The following SYNE2 variants were observed in gnomAD, a reference collection of about 807,000 sequenced individuals.
SYNE2 encodes the protein spectrin repeat containing nuclear envelope protein 2.
In SYNE2, 431 loss-of-function variants were observed where a neutral mutation model predicts 856.3. The ratio of observed to expected loss-of-function variants is 0.50; its 90% confidence interval spans 0.47 to 0.55. SYNE2 has a LOEUF of 0.55. Ranked by LOEUF, SYNE2 falls within the 20% of genes least tolerant of loss-of-function variation. SYNE2 has a pLI of 0.00. For missense variants in SYNE2, 8,129 were observed against 8,023.2 expected (o/e 1.01, Z -0.50); for synonymous variants, 2,923 against 2,872.3 (o/e 1.02, Z -0.56).
At chr14:64,150,565 T>A (rs1445535207) in intron 84 of SYNE2, among the ~76,000 whole-genome samples, 2 of 152,102 alleles carry the variant, frequency 1.3e-5, no homozygotes, top group Non-Finnish European at 2.9e-5. Flanking sequence ...TGTGTGTGTG[T>A]GTGTGTTGTT....
At chr14:63,936,119 C>T (rs1458651299) in intron 2 of SYNE2, among the ~76,000 whole-genome samples, 7 of 152,200 alleles carry the variant, frequency 4.6e-5, no homozygotes, top group Admixed American at 4.6e-4. Flanking sequence ...GTGATCCGCC[C>T]ACCTTGGCCT....
intron 73 of SYNE2, among the ~76,000 whole-genome samples, chr14:64,128,162 A>G (rs2097969251): frequency 6.6e-6 from 1 of 152,200 alleles, no homozygotes; most frequent in Non-Finnish European, 1.5e-5. Flanking sequence ...TTAGAAATAT[A>G]TACTGAAACG....
intron 1 of SYNE2, among the ~76,000 whole-genome samples, chr14:63,891,277 A>C (rs2095124836): frequency 6.6e-6 from 1 of 152,212 alleles, no homozygotes; most frequent in African/African-American, 2.4e-5. Flanking sequence ...TTCACAAAGA[A>C]ATGTGGCACG....
chr14:63,790,847 G>A (rs549128066), intron 1 of SYNE2, among the ~76,000 whole-genome samples: 22 of 152,048 alleles, frequency 1.4e-4, no homozygotes, highest in African/African-American at 5.3e-4. Flanking sequence ...ATTCTCACTG[G>A]GTTCTTTGCA....
intron 90 of SYNE2, among the ~76,000 whole-genome samples, chr14:64,165,634 T>G (rs1299506652): frequency 6.6e-6 from 1 of 151,984 alleles, no homozygotes; most frequent in Admixed American, 6.6e-5. Context: ...TGCCTCAGCC[T>G]CCCAAGTAGC....
At chr14:63,898,621 T>G (rs2153311429) in intron 1 of SYNE2, among the ~76,000 whole-genome samples, 1 of 152,122 alleles carries the variant, frequency 6.6e-6, no homozygotes, top group African/African-American at 2.4e-5. Context: ...CCCAGGCTGG[T>G]CTCGAACTCC....
intron 92 of SYNE2, among the ~76,000 whole-genome samples, chr14:64,168,185 C>A (rs1054724402): frequency 6.6e-6 from 1 of 152,182 alleles, no homozygotes; most frequent in Non-Finnish European, 1.5e-5. Flanking sequence ...CTCACTGAAA[C>A]TTCCACCCCC....
At chr14:64,201,630 T>G (rs1219041801) in intron 99 of SYNE2, among the ~76,000 whole-genome samples, 4 of 152,146 alleles carry the variant, frequency 2.6e-5, no homozygotes, top group African/African-American at 7.2e-5. Flanking sequence ...TAGAACTTAC[T>G]TACACTTTGG....
intron 84 of SYNE2, among the ~76,000 whole-genome samples, chr14:64,152,266 T>G (rs1396868294): frequency 6.6e-6 from 1 of 152,218 alleles, no homozygotes; most frequent in Non-Finnish European, 1.5e-5. Flanking sequence ...CGATGACTTA[T>G]GCCTGGTCAA....
At chr14:64,127,670 T>C (rs2097961839) in intron 73 of SYNE2, among the ~76,000 whole-genome samples, 1 of 152,098 alleles carries the variant, frequency 6.6e-6, no homozygotes, top group Admixed American at 6.6e-5. Flanking sequence ...AGGCAGAGAC[T>C]CCAGGCAGGT....
rs772222038 is a variant in SYNE2, at chr14:64,016,489, A to G, written c.4745A>G (p.Glu1582Gly). The G allele has an allele frequency of 3.1e-6, 5 of 1,590,310 alleles. No homozygotes were observed. In the South Asian group the frequency reaches 5.7e-5, roughly 18 times the overall value. The change falls in exon 33 of 116, where the codon GAA becomes GGA. Residue 1582 changes from glutamate (E) to glycine (G), a missense_variant. Transcript: ENST00000555002. ...KRIAEIEIVK[E>G]EFNEHLEVVD... ...TTTTTACAGATTGAAATTGTCAAAG[A>G]AGAATTTAATGAGCATTTAGAAGTT... is the stretch of plus-strand genomic sequence containing the variant.
chr14:64,182,706 G>T (rs954160471), intron 96 of SYNE2, among the ~76,000 whole-genome samples: 1 of 152,204 alleles, frequency 6.6e-6, no homozygotes, highest in African/African-American at 2.4e-5. Context: ...GGGGTTGGGG[G>T]TAAGGTCATA....
At chr14:63,761,981 T>G in exon 1 of SYNE2, 2 of 382,530 alleles carry the variant, frequency 5.2e-6, no homozygotes, top group Admixed American at 2.6e-5. Flanking sequence ...AGTGACAGCG[T>G]GAGAGGTAAT....
At chr14:64,102,106 T>G in intron 64 of SYNE2, 64 bp downstream of exon 64, 2 of 1,158,630 alleles carry the variant, frequency 1.7e-6, no homozygotes, top group Non-Finnish European at 2.6e-6. Flanking sequence ...CAGGGATCTC[T>G]TTCTGCACGA....
At chr14:63,786,020 A>G (rs1347522412) in intron 1 of SYNE2, among the ~76,000 whole-genome samples, 1 of 151,908 alleles carries the variant, frequency 6.6e-6, no homozygotes, top group East Asian at 1.9e-4. Context: ...GGAGGCTGAG[A>G]TGGGCGGATC....
chr14:63,937,718 G>C (rs2094833), intron 2 of SYNE2, among the ~76,000 whole-genome samples: 103,025 of 151,800 alleles, frequency 0.68, 35,216 homozygotes, highest in South Asian at 0.77. Flanking sequence ...GAGCACTGTT[G>C]AGTGGGTTTC....
At chr14:64,216,069 G>T in intron 107 of SYNE2, 179 bp from the exon 108 acceptor site, 1 of 1,506,418 alleles carries the variant, frequency 6.6e-7, no homozygotes, top group South Asian at 1.3e-5. Flanking sequence ...TGAAGGCACA[G>T]TGTTGCTGAG....
intron 1 of SYNE2, among the ~76,000 whole-genome samples, chr14:63,824,502 G>T (rs1346803277): frequency 6.6e-6 from 1 of 152,016 alleles, no homozygotes; most frequent in Non-Finnish European, 1.5e-5. Context: ...AGCTGGGTGT[G>T]GTGGCAGGTG....
chr14:63,764,878 G>A (rs1241654643), intron 1 of SYNE2, among the ~76,000 whole-genome samples: 1 of 152,142 alleles, frequency 6.6e-6, no homozygotes, highest in Non-Finnish European at 1.5e-5. Context: ...AGCTGGAGAG[G>A]TCGAGGTTAC....
Sources: gnomAD v4.1 joint callset for allele counts (sites outside exome capture counted in the v4.1 genomes callset) on GRCh38, gnomAD v4.1.1 for gene constraint, MANE v1.5 for transcripts, NCBI Gene and HGNC (gene_info 2026-07-23, HGNC 2026-07-21) for gene names.